The following GLI3 variants were observed in gnomAD, a reference collection of about 807,000 sequenced individuals.
The protein encoded by GLI3 is transcription activator GLI3.
GLI3 carries 20 observed loss-of-function variants against 100.8 expected under a neutral mutation model. The ratio of observed to expected loss-of-function variants is 0.20; its 90% confidence interval spans 0.14 to 0.29. GLI3 has a LOEUF of 0.29. Among genes scored for constraint, GLI3 ranks in the 10% least tolerant of loss-of-function variants. The probability of loss-of-function intolerance (pLI) is 1.00; values close to 1 mark genes in which losing one functional copy is unlikely to be tolerated. For synonymous variants in GLI3, 938 were observed against 860.5 expected (o/e 1.09, Z -1.58); for missense variants, 2,040 against 2,128.5 (o/e 0.96, Z 0.82).
At chr7:42,154,964 C>T (rs1786965582) in intron 2 of GLI3, among the ~76,000 whole-genome samples, 1 of 152,196 alleles carries the variant, frequency 6.6e-6, no homozygotes, top group African/African-American at 2.4e-5. Flanking sequence ...GGAGAAAGCA[C>T]TCAGCTTTGT....
In GLI3 at chr7:41,965,180, G is replaced by C. The variant is rs182571462; in HGVS notation, c.3893C>G (p.Pro1298Arg). 4 of 1,613,864 alleles carry C rather than the reference G, an allele frequency of 2.5e-6. No homozygotes were observed. Among genetic ancestry groups the C allele is most frequent in the Non-Finnish European group, 2.5e-6 (3 of 1,180,036 alleles). The change falls in exon 15 of 15, where the codon CCG becomes CGG. Residue 1298 changes from proline to arginine, a missense_variant. Transcript: ENST00000395925. ...GCCAGCTGACTCATTTGGCGCTACC[G>C]GCAGGCCGAAATTCAGCTGGCCCCC... ...GSGGQLNFGL[P>R]VAPNESAGSM...
At chr7:42,122,004 G>A (rs1385708351) in intron 3 of GLI3, among the ~76,000 whole-genome samples, 2 of 152,090 alleles carry the variant, frequency 1.3e-5, no homozygotes, top group East Asian at 3.9e-4. Context: ...CCCTTGGCTT[G>A]AGGGCCATTA....
intron 2 of GLI3, among the ~76,000 whole-genome samples, chr7:42,153,508 A>C (rs1031119027): frequency 2.0e-5 from 3 of 151,720 alleles, no homozygotes; most frequent in Non-Finnish European, 4.4e-5. Flanking sequence ...GCTTTCCCAG[A>C]AAAGTGGCAC....
Position 42,017,843 on chromosome 7 carries a change from A to C in GLI3, c.1497+5625T>G, listed in dbSNP as rs1046953876. The stretch of plus-strand genomic sequence containing the variant: ...AGCGAAACACACACATAAAACAATG[A>C]GAGACTGAGTGACCTCTTCGAGACC... On this transcript the variant is annotated intron_variant, in intron 10 of 14. Transcript: ENST00000395925. Among the ~76,000 whole-genome samples, 71 of 152,202 alleles carry C rather than the reference A, an allele frequency of 4.7e-4. 1 individual carries two copies. The highest frequency in any genetic ancestry group is 1.2e-4 in the Non-Finnish European group (8 of 68,040).
intron 3 of GLI3, among the ~76,000 whole-genome samples, chr7:42,127,185 A>C (rs1786154946): frequency 6.6e-6 from 1 of 152,148 alleles, no homozygotes; most frequent in African/African-American, 2.4e-5. Flanking sequence ...AAGCCTTTTT[A>C]ACTTCGGCCA....
chr7:42,199,586 G>T (rs181586150), intron 2 of GLI3, among the ~76,000 whole-genome samples: 2 of 152,264 alleles, frequency 1.3e-5, no homozygotes, highest in East Asian at 3.9e-4. Flanking sequence ...GTGAACAAAA[G>T]ACTGTATATA....
intron 2 of GLI3, chr7:42,152,292 T>C (rs1786890723): frequency 3.6e-6 from 2 of 550,032 alleles, no homozygotes; most frequent in Non-Finnish European, 4.6e-6. Flanking sequence ...TAATACCCAC[T>C]ACTCCTCTCT....
chr7:42,112,622 A>G (rs1442279519), intron 3 of GLI3, among the ~76,000 whole-genome samples: 1 of 152,140 alleles, frequency 6.6e-6, no homozygotes, highest in African/African-American at 2.4e-5. Context: ...CATAACAATT[A>G]ACATTAAAAT....
At chr7:42,036,139 A>C (rs1789431455) in intron 7 of GLI3, among the ~76,000 whole-genome samples, 1 of 152,188 alleles carries the variant, frequency 6.6e-6, no homozygotes, top group South Asian at 2.1e-4. Context: ...AAATATATAA[A>C]CAAAAGAACC....
intron 3 of GLI3, among the ~76,000 whole-genome samples, chr7:42,142,412 C>T (rs1040165995): frequency 6.6e-6 from 1 of 152,182 alleles, no homozygotes. Flanking sequence ...AATGCGGTCT[C>T]TCTTGGTCTT....
At chr7:42,174,490 C>T (rs1036597723) in intron 2 of GLI3, among the ~76,000 whole-genome samples, 3 of 152,270 alleles carry the variant, frequency 2.0e-5, no homozygotes, top group Admixed American at 2.0e-4. Context: ...CCTGTTTATT[C>T]ATTTCCTCCC....
At chr7:41,974,213 A>G (rs1787442084) in intron 12 of GLI3, among the ~76,000 whole-genome samples, 1 of 152,208 alleles carries the variant, frequency 6.6e-6, no homozygotes, top group Non-Finnish European at 1.5e-5. Context: ...CCAATATGTA[A>G]TGAGATACAA....
At chr7:42,063,836 T>A (rs1174993521) in intron 4 of GLI3, among the ~76,000 whole-genome samples, 1 of 152,192 alleles carries the variant, frequency 6.6e-6, no homozygotes, top group Non-Finnish European at 1.5e-5. Context: ...ACAGTAAGTA[T>A]CTGAGCTGAA....
intron 10 of GLI3, among the ~76,000 whole-genome samples, chr7:42,012,926 C>T (rs1332356600): frequency 6.6e-6 from 1 of 152,168 alleles, no homozygotes. Flanking sequence ...CTGGGCTCTC[C>T]CGCATGTCCT....
intron 2 of GLI3, among the ~76,000 whole-genome samples, chr7:42,216,851 T>C (rs1788387894): frequency 6.6e-6 from 1 of 152,208 alleles, no homozygotes; most frequent in African/African-American, 2.4e-5. Flanking sequence ...AGCTAAAGCA[T>C]AGGTTATGCG....
chr7:42,056,026 T>G (rs1784453010), intron 4 of GLI3, among the ~76,000 whole-genome samples: 1 of 152,074 alleles, frequency 6.6e-6, no homozygotes, highest in Non-Finnish European at 1.5e-5. Context: ...GAGGGGAGTT[T>G]CCCTGCACGG....
intron 2 of GLI3, among the ~76,000 whole-genome samples, chr7:42,171,497 T>A (rs545165201): frequency 1.1e-3 from 170 of 152,334 alleles, no homozygotes; most frequent in African/African-American, 3.8e-3. Context: ...ACATGAATAG[T>A]GAAATAAGGC....
rs1329195659 is a variant in GLI3, at chr7:42,190,965, T to G, written c.124+32165A>C. ...AAAGTAATTGATAAAATTTAATACTTTTTTTAAAAAAAAGAATGAAACCCA... is the reference window on the plus strand; with the variant it reads ...AAAGTAATTGATAAAATTTAATACTGTTTTTAAAAAAAAGAATGAAACCCA... On this transcript the variant is annotated intron_variant, in intron 2 of 14. Coordinates refer to ENST00000395925, the MANE Select transcript of GLI3 (RefSeq NM_000168.6). Among the ~76,000 whole-genome samples, 3 of 152,140 alleles carry G rather than the reference T, an allele frequency of 2.0e-5. No homozygotes were observed. In the East Asian group the frequency reaches 5.8e-4, roughly 29 times the overall value.
chr7:42,115,133 CTTTTTTTTT>C (rs56200386), intron 3 of GLI3, among the ~76,000 whole-genome samples: 2 of 99,644 alleles, frequency 2.0e-5, no homozygotes, highest in East Asian at 6.0e-4. Flanking sequence ...AATTTTCCTA[CTTTTTTTTT>C]TTTTTTTTTT....
Sources: gnomAD v4.1 joint callset for allele counts (sites outside exome capture counted in the v4.1 genomes callset) on GRCh38, gnomAD v4.1.1 for gene constraint, MANE v1.5 for transcripts, NCBI Gene and HGNC (gene_info 2026-07-23, HGNC 2026-07-21) for gene names.